Variants in MBNL1 observed in about 807,000 individuals in gnomAD.
MBNL1 encodes the protein muscleblind like splicing regulator 1.
MBNL1 carries 8 observed loss-of-function variants against 42.2 expected under a neutral mutation model. The ratio of observed to expected loss-of-function variants is 0.19; its 90% CI spans 0.11 to 0.34. MBNL1 has a LOEUF of 0.34. Ranked by LOEUF, MBNL1 falls within the 10% of genes least tolerant of loss-of-function variation. MBNL1 has a pLI of 1.00. For synonymous variants in MBNL1, 169 were observed against 173.9 expected, an observed-to-expected ratio of 0.97 and a Z score of 0.22; for missense variants, 309 against 495.3, an observed-to-expected ratio of 0.62 and a Z score of 3.57.
chr3:152,255,037 A>G (rs1336459640), intron 2 of MBNL1, among the ~76,000 whole-genome samples: 2 of 152,164 alleles, frequency 1.3e-5, no homozygotes, highest in African/African-American at 4.8e-5. Flanking sequence ...TGTGGTTTAG[A>G]TACAGTTAAG....
chr3:152,257,029 A>T (rs1029631071), intron 2 of MBNL1, among the ~76,000 whole-genome samples: 31 of 152,136 alleles, frequency 2.0e-4, no homozygotes, highest in Non-Finnish European at 4.3e-4. Context: ...GGTGTGGAGG[A>T]TTATAGATGA....
chr3:152,406,472 T>A (rs1560469959), intron 2 of MBNL1, among the ~76,000 whole-genome samples: 1 of 152,170 alleles, frequency 6.6e-6, no homozygotes, highest in Non-Finnish European at 1.5e-5. Flanking sequence ...AGTGGTATTT[T>A]TTGTCACAAG....
intron 4 of MBNL1, among the ~76,000 whole-genome samples, chr3:152,445,043 T>G (rs552624396): frequency 6.6e-6 from 1 of 152,344 alleles, no homozygotes; most frequent in South Asian, 2.1e-4. Flanking sequence ...CATTTCAGAT[T>G]GTATTTTTAC....
At chr3:152,361,995 G>T (rs2095998821) in intron 2 of MBNL1, among the ~76,000 whole-genome samples, 2 of 152,118 alleles carry the variant, frequency 1.3e-5, no homozygotes. Flanking sequence ...TAATATTGCT[G>T]CCTGAAAGAC....
At position 152,274,861 on chromosome 3, in the gene MBNL1, A is replaced by G. The variant is rs527379702; in HGVS notation, c.-790+5769A>G. ...TAAATAGTTACAAACTGTTGGTACTACAGTTTACTAGTCAATCCATGGTTA... is the reference window on the plus strand; with the variant it reads ...TAAATAGTTACAAACTGTTGGTACTGCAGTTTACTAGTCAATCCATGGTTA... On this transcript the variant is annotated intron_variant, in intron 1 of 9. Coordinates refer to ENST00000324210, the MANE Select transcript of MBNL1 (RefSeq NM_021038.5). 5.3e-5 allele frequency among the ~76,000 whole-genome samples: 8 copies of G among 152,302 alleles called. No homozygotes were observed. In the South Asian group the frequency reaches 1.4e-3, roughly 28 times the overall value.
intron 2 of MBNL1, among the ~76,000 whole-genome samples, chr3:152,373,195 C>T (rs1269283845): frequency 6.6e-6 from 1 of 152,150 alleles, no homozygotes; most frequent in Non-Finnish European, 1.5e-5. Flanking sequence ...GCTGTGCTGG[C>T]AGCAAGAATT....
chr3:152,417,319 G>A (rs3773908), intron 3 of MBNL1, among the ~76,000 whole-genome samples: 113,307 of 152,080 alleles, frequency 0.75, 42,839 homozygotes, highest in African/African-American at 0.87. Flanking sequence ...CAGGACTAGA[G>A]GAAGCCAGGT....
chr3:152,305,086 A>G (rs990247299), intron 2 of MBNL1, among the ~76,000 whole-genome samples: 28 of 152,186 alleles, frequency 1.8e-4, no homozygotes, highest in Admixed American at 5.9e-4. Context: ...ACCTCAAGCA[A>G]TGTGGCACTT....
intron 2 of MBNL1, among the ~76,000 whole-genome samples, chr3:152,351,314 T>G (rs767365208): frequency 2.0e-5 from 3 of 152,184 alleles, no homozygotes; most frequent in Non-Finnish European, 4.4e-5. Flanking sequence ...GTCATTATAT[T>G]TTGTCTGATC....
chr3:152,445,987 A>G (rs1203777327), intron 5 of MBNL1, among the ~76,000 whole-genome samples: 2 of 152,230 alleles, frequency 1.3e-5, no homozygotes, highest in Non-Finnish European at 2.9e-5. Context: ...GAATTGTTCA[A>G]CAAAATTGTT....
At chr3:152,420,261 C>T (rs1248605029) in intron 3 of MBNL1, among the ~76,000 whole-genome samples, 2 of 152,234 alleles carry the variant, frequency 1.3e-5, no homozygotes, top group Non-Finnish European at 2.9e-5. Flanking sequence ...AGCGCTTGAA[C>T]TCTGCTAAGG....
chr3:152,310,689 G>T (rs1274272269), intron 2 of MBNL1, among the ~76,000 whole-genome samples: 2 of 152,008 alleles, frequency 1.3e-5, no homozygotes, highest in Non-Finnish European at 2.9e-5. Context: ...TTCTCATTTG[G>T]TGTGGGAAAT....
chr3:152,295,277 T>G (rs1034111175), intron 1 of MBNL1, among the ~76,000 whole-genome samples: 5 of 152,180 alleles, frequency 3.3e-5, no homozygotes, highest in African/African-American at 1.2e-4. Flanking sequence ...CAAAGTATAT[T>G]TTGTACTTGA....
At chr3:152,331,266 A>C (rs780535676) in intron 2 of MBNL1, among the ~76,000 whole-genome samples, 6 of 152,144 alleles carry the variant, frequency 3.9e-5, no homozygotes, top group African/African-American at 7.2e-5. Flanking sequence ...TTTCCAAACT[A>C]CAGAAAAAAA....
chr3:152,451,953 T>C (rs2153907834), intron 6 of MBNL1, among the ~76,000 whole-genome samples: 1 of 152,368 alleles, frequency 6.6e-6, no homozygotes, highest in South Asian at 2.1e-4. Context: ...AAGTACAACT[T>C]GAACTCAAGT....
intron 2 of MBNL1, among the ~76,000 whole-genome samples, chr3:152,254,200 T>C (rs951940087): frequency 2.6e-5 from 4 of 152,184 alleles, no homozygotes; most frequent in Admixed American, 6.5e-5. Context: ...TTTGTCCGTG[T>C]TGAGTCAAAC....
chr3:152,318,451 A>T (rs1214893397), intron 2 of MBNL1, among the ~76,000 whole-genome samples: 1 of 152,178 alleles, frequency 6.6e-6, no homozygotes, highest in East Asian at 1.9e-4. Context: ...TTTTTATTTC[A>T]TTAGTACAAA....
At position 152,269,045 on chromosome 3, in the gene MBNL1, G is replaced by A. The variant is rs2038267999; in HGVS notation, c.-837G>A. ...GGAATCATGACTCCCACAATGCCTT[G>A]GGCACTTGGTCGACAGTGGGGCCGC... On this transcript the variant is annotated 5_prime_UTR_variant, in exon 1 of 10. An upstream open reading frame in the 5' UTR gains an earlier in-frame stop. Transcript: ENST00000324210. 1 of 456,034 alleles carries A rather than the reference G, an allele frequency of 2.2e-6. No homozygotes were observed. Among genetic ancestry groups the A allele is most frequent in the African/African-American group, 2.0e-5 (1 of 50,052 alleles). 28.2% of individuals were successfully genotyped at this position (456,034 alleles called of 1,614,324 possible).
At chr3:152,258,508 T>C (rs1559939242) in intron 2 of MBNL1, among the ~76,000 whole-genome samples, 1 of 152,180 alleles carries the variant, frequency 6.6e-6, no homozygotes, top group Non-Finnish European at 1.5e-5. Context: ...TGCACCAAGT[T>C]GGTTGTCAGG....
Sources: gnomAD v4.1 joint callset for allele counts (sites outside exome capture counted in the v4.1 genomes callset) on GRCh38, gnomAD v4.1.1 for gene constraint, MANE v1.5 for transcripts, NCBI Gene and HGNC (gene_info 2026-07-23, HGNC 2026-07-21) for gene names.